TCP11: variants seen among roughly 807,000 people sequenced by gnomAD.
The protein encoded by TCP11 is t-complex 11.
TCP11 carries 34 observed loss-of-function variants against 45.0 expected under a neutral mutation model. The observed-to-expected ratio is 0.76, with a 90% confidence interval of 0.57 to 1.01. The LOEUF (loss-of-function observed/expected upper bound fraction) is 1.01, where lower values mean the gene tolerates loss of function less well. Ranked by LOEUF, TCP11 falls within the 50% of genes least tolerant of loss-of-function variation. The pLI, the probability that TCP11 is intolerant of heterozygous loss-of-function variation, is 0.00. For synonymous variants in TCP11, 227 were observed against 227.0 expected (o/e 1.00, Z 0.00); for missense variants, 523 against 598.1 (o/e 0.87, Z 1.31).
At chr6:35,137,890 A>T (rs1781272166) in intron 2 of TCP11, 1 of 423,338 alleles carries the variant, frequency 2.4e-6, no homozygotes, top group Admixed American at 2.8e-5. Flanking sequence ...TGTATTAGTC[A>T]TTCTATTTCA....
intron 2 of TCP11, chr6:35,140,137 A>G (rs1781556331): frequency 6.2e-7 from 1 of 1,612,094 alleles, no homozygotes; most frequent in Admixed American, 1.7e-5. Context: ...CAAAGCCTCA[A>G]TCTAATTTTT....
At chr6:35,122,366 G>A in intron 4 of TCP11, 29 bp from the exon 5 acceptor site, 1 of 1,598,054 alleles carries the variant, frequency 6.3e-7, no homozygotes, top group Non-Finnish European at 8.6e-7. Context: ...CAAAGGAGTT[G>A]ATCTGTTTAG....
At chr6:35,140,698 A>C (rs1021952949) in intron 2 of TCP11, 49 bp downstream of exon 2, 7 of 1,310,270 alleles carry the variant, frequency 5.3e-6, no homozygotes, top group South Asian at 4.0e-5. Context: ...CGGACCCCCC[A>C]CACTAAGCAC....
intron 1 of TCP11, 24 bp downstream of exon 1, chr6:35,141,181 C>T (rs1320426500): frequency 1.5e-6 from 2 of 1,372,562 alleles, no homozygotes; most frequent in Admixed American, 3.2e-5. Flanking sequence ...GGCCCAGGCC[C>T]GCCTCCGGCT....
chr6:35,126,906 C>T (rs1779890994), intron 4 of TCP11, among the ~76,000 whole-genome samples: 1 of 152,044 alleles, frequency 6.6e-6, no homozygotes, highest in Non-Finnish European at 1.5e-5. Flanking sequence ...ATTCTGCCCA[C>T]CTGAGCCTCC....
intron 3 of TCP11, among the ~76,000 whole-genome samples, chr6:35,130,150 CA>C (rs1456301522): frequency 6.6e-6 from 1 of 151,700 alleles, no homozygotes; most frequent in African/African-American, 2.4e-5. Context: ...TATCTAAATA[CA>C]AAAAAATAAA....
chr6:35,139,113 A>C (rs1282576529), intron 2 of TCP11, among the ~76,000 whole-genome samples: 2 of 151,968 alleles, frequency 1.3e-5, no homozygotes, highest in South Asian at 2.1e-4. Context: ...GCTTGAACCC[A>C]GGAGGTGGAG....
At position 35,120,997 on chromosome 6, in the gene TCP11, G is replaced by A. The variant is rs750200125; in HGVS notation, c.627C>T (p.Tyr209=). The A allele has an allele frequency of 3.1e-6, 5 of 1,613,234 alleles. No homozygotes were observed. The highest frequency in any genetic ancestry group is 3.4e-6 in the Non-Finnish European group (4 of 1,179,526). Residue 209 remains tyrosine (Y), a synonymous_variant, in exon 6 of 10, where the codon TAC becomes TAT. Transcript: ENST00000311875. The surrounding 1 kb of genome is among the most constrained non-coding windows in gnomAD (Gnocchi z 4.9). ...GGTGGGGTTGAAGGCTCTGGATAGT[G>A]TAGTTCACCATGTCCATTTTCATCC... ...LGRMKMDMVN[Y]TIQSLQPHLQ... is the part of the protein sequence containing the mutation.
intron 3 of TCP11, among the ~76,000 whole-genome samples, chr6:35,129,664 C>G (rs1780189306): frequency 6.6e-6 from 1 of 152,204 alleles, no homozygotes; most frequent in South Asian, 2.1e-4. Flanking sequence ...TCCTCCAAAC[C>G]TGCTCCTCTT....
intron 4 of TCP11, among the ~76,000 whole-genome samples, chr6:35,122,611 C>T (rs780772553): frequency 2.6e-5 from 4 of 152,054 alleles, no homozygotes; most frequent in African/African-American, 4.8e-5. Flanking sequence ...AAAAGACATA[C>T]GGGGTACAAC....
intron 5 of TCP11, among the ~76,000 whole-genome samples, chr6:35,121,561 C>G (rs1779253152): frequency 6.6e-6 from 1 of 151,188 alleles, no homozygotes. Context: ...GCCTGTAATC[C>G]CAGCACTTTG....
chr6:35,128,623 GT>G (rs1780080634), intron 4 of TCP11: 1 of 154,286 alleles, frequency 6.5e-6, no homozygotes, highest in Non-Finnish European at 1.4e-5. Context: ...CCCGGTTCTG[GT>G]ATGTTCACTC....
intron 3 of TCP11, among the ~76,000 whole-genome samples, chr6:35,134,515 G>C (rs938142934): frequency 6.6e-6 from 1 of 151,774 alleles, no homozygotes; most frequent in African/African-American, 2.4e-5. Context: ...TCTTGACCTC[G>C]TGATCCACCC....
At chr6:35,125,995 G>A (rs987993658) in intron 4 of TCP11, among the ~76,000 whole-genome samples, 5 of 152,128 alleles carry the variant, frequency 3.3e-5, no homozygotes, top group Non-Finnish European at 7.4e-5. Context: ...AGTGGGAGAG[G>A]GGAAAGGGAA....
At position 35,120,984 on chromosome 6, in the gene TCP11, G is replaced by A. The variant is rs1779168810; in HGVS notation, c.640C>T (p.Leu214Phe). The A allele has an allele frequency of 1.9e-6, 3 of 1,614,016 alleles. No individual in the cohort carries two copies. Among genetic ancestry groups the A allele is most frequent in the Non-Finnish European group, 2.5e-6 (3 of 1,179,950 alleles). ...GAATGTTCCTGCAGGTGGGGTTGAA[G>A]GCTCTGGATAGTGTAGTTCACCATG... ...MDMVNYTIQS[L>F]QPHLQEHSIQ... Residue 214 changes from leucine to phenylalanine, a missense_variant, in exon 6 of 10, where the codon CTT (leucine) becomes TTT (phenylalanine). By Grantham distance (22) the Leu-to-Phe change is conservative. Transcript: ENST00000311875. The surrounding 1 kb of genome is among the most constrained non-coding windows in gnomAD (Gnocchi z 4.9).
chr6:35,140,160 G>C, intron 2 of TCP11: 1 of 1,602,490 alleles, frequency 6.2e-7, no homozygotes, highest in South Asian at 1.1e-5. Context: ...CATTTCAATA[G>C]TCAAGAATTT....
At chr6:35,118,614 C>A in intron 9 of TCP11, 113 bp from the exon 10 acceptor site, 1 of 897,540 alleles carries the variant, frequency 1.1e-6, no homozygotes, top group Non-Finnish European at 1.7e-6. Flanking sequence ...TACCAACCTG[C>A]CCCCCTACCT....
chr6:35,140,050 A>T, intron 2 of TCP11: 1 of 1,614,138 alleles, frequency 6.2e-7, no homozygotes, highest in South Asian at 1.1e-5. Context: ...AAATGACCCC[A>T]ATATGCCTTT....
intron 4 of TCP11, 62 bp downstream of exon 4, chr6:35,129,000 T>C: frequency 6.3e-7 from 1 of 1,585,154 alleles, no homozygotes; most frequent in South Asian, 1.2e-5. Context: ...TGCTAGCCAC[T>C]GACACTCCAA....
Sources: gnomAD v4.1 joint callset for allele counts (sites outside exome capture counted in the v4.1 genomes callset) on GRCh38, gnomAD v4.1.1 for gene constraint, Gnocchi (gnomAD v3.1) non-coding constraint, MANE v1.5 for transcripts, NCBI Gene and HGNC (gene_info 2026-07-23, HGNC 2026-07-21) for gene names.